Variants in PPP3CB observed in about 807,000 individuals in gnomAD.
PPP3CB encodes the protein serine/threonine-protein phosphatase 2B catalytic subunit beta isoform.
PPP3CB carries 8 observed loss-of-function variants against 66.4 expected under a neutral mutation model. That is an observed-to-expected ratio of 0.12 (90% CI 0.07 to 0.22). PPP3CB has a LOEUF of 0.22. Ranked by LOEUF, PPP3CB falls within the 10% of genes least tolerant of loss-of-function variation. The pLI is 1.00. For synonymous variants in PPP3CB, 208 were observed against 221.2 expected (o/e 0.94, Z 0.53); for missense variants, 319 against 642.5 (o/e 0.50, Z 5.44).
intron 8 of PPP3CB, among the ~76,000 whole-genome samples, chr10:73,468,515 G>C (rs2056654230): frequency 6.6e-6 from 1 of 152,102 alleles, no homozygotes; most frequent in Admixed American, 6.5e-5. Context: ...TTATAAAACA[G>C]GACTAATATG....
intron 3 of PPP3CB, among the ~76,000 whole-genome samples, chr10:73,475,367 T>C (rs2056769763): frequency 6.6e-6 from 1 of 152,214 alleles, no homozygotes. Flanking sequence ...AATAATACTG[T>C]CAAAATAACA....
rs149277321 is a variant in PPP3CB, at chr10:73,472,247, C to A, written c.524-634G>T. 2.9e-3 allele frequency among the ~76,000 whole-genome samples: 440 copies of A among 152,276 alleles called. 4 individuals are homozygous for A. The highest frequency in any genetic ancestry group is 0.01 in the African/African-American group (423 of 41,532). ...CGGTGGCTCACGCCTGTAATCCCAG[C>A]ACTTTGACAGGCCAAAGCAGGCAGA... On this transcript the variant is annotated intron_variant, in intron 4 of 13. Coordinates refer to ENST00000360663, the MANE Select transcript of PPP3CB (RefSeq NM_021132.4).
At chr10:73,456,571 T>A (rs2056430633) in intron 9 of PPP3CB, among the ~76,000 whole-genome samples, 2 of 152,102 alleles carry the variant, frequency 1.3e-5, no homozygotes, top group African/African-American at 4.8e-5. Context: ...GCCAAAACAA[T>A]TCAGTGGCTA....
chr10:73,436,736 C>A lies in PPP3CB; in HGVS notation c.*1506G>T, dbSNP rs1393896769. 6.6e-6 allele frequency: 1 copy of A among 152,112 alleles called. No individual in the cohort carries two copies. Among genetic ancestry groups the A allele is most frequent in the Non-Finnish European group, 1.5e-5 (1 of 68,022 alleles). 9.4% of individuals were successfully genotyped at this position (152,112 alleles called of 1,614,324 possible). On this transcript the variant is annotated 3_prime_UTR_variant, in exon 14 of 14. Transcript: ENST00000360663. ...CCGGAGGACATCCCAGCTCTAGTAA[C>A]AGGATTTTCTGATTTGCATCAAAAG...
chr10:73,444,443 A>T, intron 12 of PPP3CB: 1 of 842,424 alleles, frequency 1.2e-6, no homozygotes. Flanking sequence ...GAATAAATAA[A>T]TATTTCAGAC....
chr10:73,491,259 G>C (rs1314697393), intron 1 of PPP3CB, among the ~76,000 whole-genome samples: 2 of 151,960 alleles, frequency 1.3e-5, no homozygotes, highest in African/African-American at 2.4e-5. Context: ...TCGAACTCCT[G>C]ATCTCGTGAT....
intron 4 of PPP3CB, among the ~76,000 whole-genome samples, chr10:73,474,104 G>A (rs777678439): frequency 3.3e-5 from 5 of 151,854 alleles, no homozygotes; most frequent in South Asian, 2.1e-4. Flanking sequence ...GTACAATGGC[G>A]CGATCTCGGC....
intron 12 of PPP3CB, among the ~76,000 whole-genome samples, chr10:73,441,723 C>T (rs2132755290): frequency 6.6e-6 from 1 of 152,252 alleles, no homozygotes; most frequent in East Asian, 1.9e-4. Context: ...ACATATATTT[C>T]CCATATAGAT....
At chr10:73,472,469 T>G (rs2056718248) in intron 4 of PPP3CB, among the ~76,000 whole-genome samples, 1 of 145,946 alleles carries the variant, frequency 6.9e-6, no homozygotes. Flanking sequence ...CACTCCAGCC[T>G]GGGCGACAGA....
chr10:73,464,390 T>C (rs760481666), intron 9 of PPP3CB, among the ~76,000 whole-genome samples: 2 of 152,148 alleles, frequency 1.3e-5, no homozygotes, highest in Non-Finnish European at 2.9e-5. Flanking sequence ...GTACCTTGAA[T>C]AAAACACTTA....
rs892351275 is a variant in PPP3CB at position 73,440,945 on chromosome 10, C to G, written c.1367-1044G>C. 7.6e-4 allele frequency among the ~76,000 whole-genome samples: 115 copies of G among 152,128 alleles called. 1 individual carries two copies. The highest frequency in any genetic ancestry group is 3.3e-3 in the Admixed American group (51 of 15,272). ...CTGGGTTTGAACTGTATAAAGAGCTCACACTGAGGACCAGGACTCAAGATA... is the reference window on the plus strand; with the variant it reads ...CTGGGTTTGAACTGTATAAAGAGCTGACACTGAGGACCAGGACTCAAGATA... On this transcript the variant is annotated intron_variant, in intron 12 of 13. Coordinates refer to ENST00000360663, the MANE Select transcript of PPP3CB (RefSeq NM_021132.4).
chr10:73,438,454 T>C, intron 13 of PPP3CB, 34 bp from the exon 14 acceptor site: 3 of 1,516,546 alleles, frequency 2.0e-6, no homozygotes, highest in Non-Finnish European at 2.7e-6. Flanking sequence ...AGTCAGTAAT[T>C]GAAAAACATT....
intron 9 of PPP3CB, among the ~76,000 whole-genome samples, chr10:73,457,261 A>G (rs1225867940): frequency 9.9e-6 from 1 of 101,014 alleles, no homozygotes; most frequent in Non-Finnish European, 1.9e-5. Flanking sequence ...TCTAAAAAAG[A>G]AAAAAAAAAA....
chr10:73,439,330 T>C (rs1182313839), intron 13 of PPP3CB, among the ~76,000 whole-genome samples: 1 of 152,102 alleles, frequency 6.6e-6, no homozygotes, highest in African/African-American at 2.4e-5. Context: ...CATATATATA[T>C]GAACATAATC....
intron 9 of PPP3CB, 99 bp from the exon 10 acceptor site, chr10:73,454,588 C>A: frequency 1.4e-6 from 1 of 713,150 alleles, no homozygotes; most frequent in Non-Finnish European, 2.3e-6. Flanking sequence ...AATGTTTAGC[C>A]CAAGAAAGCA....
At chr10:73,462,770 C>G (rs1417444094) in intron 9 of PPP3CB, among the ~76,000 whole-genome samples, 1 of 151,434 alleles carries the variant, frequency 6.6e-6, no homozygotes, top group Non-Finnish European at 1.5e-5. Context: ...GCCAACATGG[C>G]GAAACCCTGT....
chr10:73,470,651 G>T, intron 8 of PPP3CB, 36 bp downstream of exon 8: 1 of 1,319,438 alleles, frequency 7.6e-7, no homozygotes, highest in Non-Finnish European at 1.0e-6. Flanking sequence ...AAAATACTAA[G>T]TTGTTTAACA....
Position 73,450,748 on chromosome 10 carries a change from C to T in PPP3CB, c.1186+3664G>A, listed in dbSNP as rs140519659. Among the ~76,000 whole-genome samples the T allele has an allele frequency of 5.4e-4, 82 of 152,244 alleles. 1 individual carries two copies. The highest frequency in any genetic ancestry group is 1.7e-3 in the African/African-American group (71 of 41,548). On this transcript the variant is annotated intron_variant, in intron 10 of 13. Coordinates refer to ENST00000360663, the MANE Select transcript of PPP3CB (RefSeq NM_021132.4). ...TTTAAGAGTGGGAAAGAATTTTCAT[C>T]CTCTCTATTCCCTCAGTTTCTGAAT...
intron 9 of PPP3CB, among the ~76,000 whole-genome samples, chr10:73,461,687 T>A (rs1441256425): frequency 6.6e-6 from 1 of 152,190 alleles, no homozygotes; most frequent in Non-Finnish European, 1.5e-5. Flanking sequence ...TCGGTTAAAT[T>A]CTAGAATGAG....
Sources: allele counts gnomAD v4.1 joint callset (sites outside exome capture counted in the v4.1 genomes callset), GRCh38; gene constraint gnomAD v4.1.1; transcripts MANE v1.5; gene names NCBI Gene and HGNC (gene_info 2026-07-23, HGNC 2026-07-21).